Variants in TRIM14 observed in about 807,000 individuals in gnomAD.
TRIM14 encodes the protein tripartite motif containing 14.
In TRIM14, 28 loss-of-function variants were observed where a neutral mutation model predicts 44.5. The observed-to-expected ratio is 0.63, with a 90% CI of 0.47 to 0.86. The LOEUF (loss-of-function observed/expected upper bound fraction) is 0.86, where lower values mean the gene tolerates loss of function less well. Ranked by LOEUF, TRIM14 falls within the 40% of genes least tolerant of loss-of-function variation. The pLI is 0.00. For missense variants in TRIM14, 607 were observed against 611.1 expected, an observed-to-expected ratio of 0.99 and a Z score of 0.07; for synonymous variants, 299 against 269.2, an observed-to-expected ratio of 1.11 and a Z score of -1.08.
At chr9:98,049,135 A>T in the TRIM14 span, among the ~76,000 whole-genome samples, 1 of 151,500 alleles carries the variant, frequency 6.6e-6, no homozygotes, top group South Asian at 2.1e-4. Context: ...TGAGGTCAGG[A>T]GTTTGAGACC....
At chr9:98,048,694 A>G in the TRIM14 span, among the ~76,000 whole-genome samples, 4 of 152,190 alleles carry the variant, frequency 2.6e-5, no homozygotes, top group African/African-American at 7.2e-5. Context: ...TAAGGTTATA[A>G]ACTGCTTCTT....
the TRIM14 span, among the ~76,000 whole-genome samples, chr9:98,055,173 C>G: frequency 2.6e-5 from 4 of 152,180 alleles, no homozygotes; most frequent in Non-Finnish European, 4.4e-5. Context: ...GCATGCACCA[C>G]CATACCTGGC....
At chr9:98,037,036 A>G in the TRIM14 span, among the ~76,000 whole-genome samples, 1 of 152,222 alleles carries the variant, frequency 6.6e-6, no homozygotes, top group East Asian at 1.9e-4. Context: ...CCTACACTCT[A>G]GAGGGAATGA....
intron 3 of TRIM14, among the ~76,000 whole-genome samples, chr9:98,096,094 AGTGGCAGTGCTGCCCACCCGAGAAGGG>A (rs1826176404): frequency 6.6e-6 from 1 of 152,188 alleles, no homozygotes; most frequent in Non-Finnish European, 1.5e-5. Context: ...CTTGGCTGGC[AGTGGCAGTGCTGCCCACCCGAGAAGGG>A]GTGGACAGAT....
At chr9:98,057,921 G>GTT in the TRIM14 span, among the ~76,000 whole-genome samples, 31 of 87,444 alleles carry the variant, frequency 3.5e-4, no homozygotes, top group African/African-American at 8.6e-4. Flanking sequence ...TTTTTTTCCT[G>GTT]GTTTTTTTTT....
chr9:98,061,342 T>C, the TRIM14 span: 163 of 259,866 alleles, frequency 6.3e-4, 1 homozygote, highest in South Asian at 2.7e-3. Flanking sequence ...CTGGGCATGG[T>C]GGTGCGTGCC....
At chr9:98,050,437 C>A in the TRIM14 span, among the ~76,000 whole-genome samples, 1 of 152,090 alleles carries the variant, frequency 6.6e-6, no homozygotes. Context: ...GTAGAGGGTA[C>A]CTCCTTATGC....
At chr9:98,044,005 CTTT>C in the TRIM14 span, among the ~76,000 whole-genome samples, 378 of 131,230 alleles carry the variant, frequency 2.9e-3, no homozygotes, top group African/African-American at 5.5e-3. Context: ...TATTTGTTTC[CTTT>C]TTTTTTTTTT....
intron 6 of TRIM14, chr9:98,078,020 C>G: frequency 2.3e-6 from 2 of 885,908 alleles, no homozygotes; most frequent in South Asian, 3.8e-5. Flanking sequence ...TTCCTGTGGC[C>G]GAGGGCAGGA....
intron 1 of TRIM14, among the ~76,000 whole-genome samples, chr9:98,111,118 C>T (rs1335261622): frequency 1.3e-5 from 2 of 152,046 alleles, no homozygotes; most frequent in Non-Finnish European, 2.9e-5. Context: ...AGAACTCTTC[C>T]AGGTCAGGGA....
chr9:98,042,949 T>C, the TRIM14 span, among the ~76,000 whole-genome samples: 1 of 152,158 alleles, frequency 6.6e-6, no homozygotes, highest in Non-Finnish European at 1.5e-5. Flanking sequence ...GATAAAGTAT[T>C]TGATTTAAGC....
At chr9:98,057,018 C>T in the TRIM14 span, 6 of 1,442,598 alleles carry the variant, frequency 4.2e-6, no homozygotes, top group Middle Eastern at 2.5e-4. Flanking sequence ...CAGGGCCACA[C>T]GGCCTCCGCG....
rs1393989077 is a variant in TRIM14, at chr9:98,087,585, T to C, written c.1214A>G (p.Tyr405Cys). 1 of 1,599,300 alleles carries C rather than the reference T, an allele frequency of 6.3e-7. No individual in the cohort carries two copies. The highest frequency in any genetic ancestry group is 1.1e-5 in the South Asian group (1 of 89,686). ...GTGGCTCATGCCGCCCGTCACGTCGTAGAAGGCGAGGACGCCGGCCTCGTA... is the reference window on the plus strand; with the variant it reads ...GTGGCTCATGCCGCCCGTCACGTCGCAGAAGGCGAGGACGCCGGCCTCGTA... Reference protein sequence around the residue: ...LDYEAGVLAFYDVTGGMSHLH... With the variant: ...LDYEAGVLAFCDVTGGMSHLH... Residue 405 changes from tyrosine to cysteine, a missense_variant, in exon 6 of 6, where the codon TAC becomes TGC. Tyr to Cys is a radical substitution (Grantham distance 194). Coordinates refer to ENST00000341469, the MANE Select transcript of TRIM14 (RefSeq NM_014788.4).
At chr9:98,096,111 C>A (rs907377469) in intron 3 of TRIM14, among the ~76,000 whole-genome samples, 1 of 152,130 alleles carries the variant, frequency 6.6e-6, no homozygotes, top group African/African-American at 2.4e-5. Context: ...GTGCTGCCCA[C>A]CCGAGAAGGG....
intron 3 of TRIM14, among the ~76,000 whole-genome samples, chr9:98,096,387 G>A (rs989487379): frequency 2.6e-5 from 4 of 152,170 alleles, no homozygotes; most frequent in African/African-American, 9.7e-5. Context: ...TGGGCAGGGA[G>A]CAGCTCCGGG....
chr9:98,037,044 T>C, the TRIM14 span, among the ~76,000 whole-genome samples: 1 of 151,928 alleles, frequency 6.6e-6, no homozygotes, highest in Non-Finnish European at 1.5e-5. Context: ...CTAGAGGGAA[T>C]GACAGACAAA....
chr9:98,038,937 C>A, the TRIM14 span, among the ~76,000 whole-genome samples: 1 of 152,074 alleles, frequency 6.6e-6, no homozygotes, highest in Non-Finnish European at 1.5e-5. Flanking sequence ...GTAGTCCCAG[C>A]TACTGGGGAG....
At chr9:98,066,549 C>T (rs921506793), downstream of TRIM14, among the ~76,000 whole-genome samples, 5 of 152,114 alleles carry the variant, frequency 3.3e-5, no homozygotes, top group Non-Finnish European at 7.3e-5. Flanking sequence ...ACCATTAATA[C>T]AATTACCGTT....
intron 3 of TRIM14, among the ~76,000 whole-genome samples, chr9:98,099,533 A>G (rs1188641070): frequency 6.6e-6 from 1 of 151,542 alleles, no homozygotes; most frequent in African/African-American, 2.4e-5. Context: ...AGACAGACCT[A>G]GACAGACAGC....
Sources: allele counts gnomAD v4.1 joint callset (sites outside exome capture counted in the v4.1 genomes callset), GRCh38; gene constraint gnomAD v4.1.1; transcripts MANE v1.5; gene names NCBI Gene and HGNC (gene_info 2026-07-23, HGNC 2026-07-21).